Variants in ATM observed in about 807,000 individuals in gnomAD.
The protein encoded by ATM is serine-protein kinase ATM.
In ATM, 308 loss-of-function variants were observed where a neutral mutation model predicts 387.0. That is an observed-to-expected ratio of 0.80 (90% CI 0.73 to 0.87). ATM has a LOEUF of 0.87. ATM is among the 40% of genes least tolerant of loss of function. ATM has a pLI of 0.00. For missense variants in ATM, 3,312 were observed against 3,560.9 expected, an observed-to-expected ratio of 0.93 and a Z score of 1.78; for synonymous variants, 1,156 against 1,187.3, an observed-to-expected ratio of 0.97 and a Z score of 0.54.
intron 1 of ATM, chr11:108,224,888 T>C (rs545727238): frequency 6.6e-6 from 1 of 152,238 alleles, no homozygotes; most frequent in Non-Finnish European, 1.5e-5. Context: ...TTTGTATCTG[T>C]TTAGTTCATT....
At chr11:108,257,194 T>G (rs2080548274) in intron 14 of ATM, among the ~76,000 whole-genome samples, 1 of 152,228 alleles carries the variant, frequency 6.6e-6, no homozygotes, top group South Asian at 2.1e-4. Flanking sequence ...TTCCTGACTT[T>G]TTAATGATAG....
In ATM at chr11:108,256,362, A is replaced by C. The variant is rs3218692; in HGVS notation, c.2250+22A>C. On this transcript the variant is annotated intron_variant, in intron 14 of 62. Transcript: ENST00000675843. ...CAAGGTAGGAGAATTTATACTAATA[A>C]AGTTTCGGATAAATTTGAATGAAAT... The C allele has an allele frequency of 6.5e-3, 10,408 of 1,599,590 alleles. 50 individuals carry two copies. The highest frequency in any genetic ancestry group is 7.8e-3 in the Non-Finnish European group (9,081 of 1,169,572).
intron 59 of ATM, among the ~76,000 whole-genome samples, chr11:108,350,693 T>C (rs546480481): frequency 1.3e-5 from 2 of 152,308 alleles, no homozygotes; most frequent in Non-Finnish European, 2.9e-5. Context: ...TGGAAGGGAT[T>C]TGTTAGAGCT....
chr11:108,304,047 A>G (rs1427535814), intron 36 of ATM, among the ~76,000 whole-genome samples: 1 of 152,196 alleles, frequency 6.6e-6, no homozygotes, highest in Non-Finnish European at 1.5e-5. Context: ...TGATTCATTC[A>G]TATGTTAAAT....
At chr11:108,354,144 A>G (rs566554844) in intron 60 of ATM, among the ~76,000 whole-genome samples, 1 of 152,080 alleles carries the variant, frequency 6.6e-6, no homozygotes, top group Non-Finnish European at 1.5e-5. Context: ...ATTTAGTGCT[A>G]GAATCGTATT....
At chr11:108,308,808 G>T (rs917919738) in intron 38 of ATM, 1 of 534,984 alleles carries the variant, frequency 1.9e-6, no homozygotes. Flanking sequence ...AGTAGAAAAA[G>T]AAGTTTTATG....
chr11:108,339,030 A>C (rs2087174214), intron 56 of ATM, among the ~76,000 whole-genome samples: 1 of 152,204 alleles, frequency 6.6e-6, no homozygotes, highest in African/African-American at 2.4e-5. Context: ...GTCATTGTGC[A>C]ACCTCAAAAG....
chr11:108,320,465 A>G (rs1002873537), intron 44 of ATM, among the ~76,000 whole-genome samples: 1 of 152,256 alleles, frequency 6.6e-6, no homozygotes, highest in African/African-American at 2.4e-5. Flanking sequence ...GGGGTAAACA[A>G]ATGCAGCATT....
chr11:108,273,848 C>T (rs117472630), intron 22 of ATM, among the ~76,000 whole-genome samples: 3 of 152,076 alleles, frequency 2.0e-5, no homozygotes, highest in Non-Finnish European at 4.4e-5. Flanking sequence ...TTTCTTGTGT[C>T]TCTGCCAGGT....
chr11:108,367,222 C>T lies in ATM; in HGVS notation c.*1714C>T, dbSNP rs1239964128. The stretch of plus-strand genomic sequence containing the variant: ...CAGGATGGTCTCGATCGCTTGACCT[C>T]GTGATCCACCCTCCTCGGCCTCCCA... On this transcript the variant is annotated 3_prime_UTR_variant, in exon 63 of 63. Coordinates refer to ENST00000675843, the MANE Select transcript of ATM (RefSeq NM_000051.4). 2 of 178,510 alleles carry T rather than the reference C, an allele frequency of 1.1e-5. No homozygotes were observed. Among genetic ancestry groups the T allele is most frequent in the East Asian group, 9.3e-5 (1 of 10,702 alleles). 11.1% of individuals were successfully genotyped at this position (178,510 alleles called of 1,614,324 possible).
intron 57 of ATM, among the ~76,000 whole-genome samples, chr11:108,345,365 A>G (rs2088197517): frequency 6.6e-6 from 1 of 152,148 alleles, no homozygotes; most frequent in Admixed American, 6.6e-5. Context: ...TCTATGAGGG[A>G]TTCTTCTGTT....
chr11:108,227,349 G>A, intron 1 of ATM: 2 of 395,218 alleles, frequency 5.1e-6, no homozygotes, highest in Non-Finnish European at 9.2e-6. Context: ...ACTACTGCAA[G>A]CAAGGCAAAC....
At chr11:108,277,540 C>A (rs890102984) in intron 22 of ATM, among the ~76,000 whole-genome samples, 2 of 152,160 alleles carry the variant, frequency 1.3e-5, no homozygotes, top group East Asian at 3.9e-4. Flanking sequence ...GCAAAGACTG[C>A]GGGAAAAGCG....
At chr11:108,364,552 C>T (rs1237157127) in intron 61 of ATM, among the ~76,000 whole-genome samples, 1 of 152,140 alleles carries the variant, frequency 6.6e-6, no homozygotes, top group African/African-American at 2.4e-5. Context: ...CTTTCTGGAT[C>T]CACCCAGATT....
At chr11:108,244,276 C>T (rs538300574) in intron 6 of ATM, among the ~76,000 whole-genome samples, 158 bp downstream of exon 6, 5 of 152,180 alleles carry the variant, frequency 3.3e-5, no homozygotes, top group Non-Finnish European at 5.9e-5. Flanking sequence ...AAGTCCAACA[C>T]TTTCTGAATA....
At chr11:108,322,834 C>T (rs974437157) in intron 45 of ATM, among the ~76,000 whole-genome samples, 40 of 151,606 alleles carry the variant, frequency 2.6e-4, no homozygotes, top group African/African-American at 9.7e-4. Flanking sequence ...ACACTCCATT[C>T]GGTTTTAGCA....
chr11:108,262,557 A>T (rs1342376744), intron 16 of ATM, among the ~76,000 whole-genome samples: 2 of 152,270 alleles, frequency 1.3e-5, no homozygotes, highest in Admixed American at 6.5e-5. Context: ...CATTGAGACT[A>T]GGAAGAAACT....
intron 61 of ATM, among the ~76,000 whole-genome samples, chr11:108,361,771 T>C (rs1259360940): frequency 6.6e-6 from 1 of 152,104 alleles, no homozygotes; most frequent in African/African-American, 2.4e-5. Flanking sequence ...CTGGATCCCT[T>C]CCTTACACCT....
intron 56 of ATM, among the ~76,000 whole-genome samples, chr11:108,342,440 T>A (rs2136915965): frequency 6.6e-6 from 1 of 152,326 alleles, no homozygotes; most frequent in South Asian, 2.1e-4. Flanking sequence ...CTAATTTTTT[T>A]ACTTAATACT....
Sources: gnomAD v4.1 joint callset for allele counts (sites outside exome capture counted in the v4.1 genomes callset) on GRCh38, gnomAD v4.1.1 for gene constraint, MANE v1.5 for transcripts, NCBI Gene and HGNC (gene_info 2026-07-23, HGNC 2026-07-21) for gene names.